Variants in GJA8 observed in about 807,000 individuals in gnomAD.
The protein encoded by GJA8 is gap junction alpha-8 protein.
Under a neutral mutation model 15.3 loss-of-function variants are expected in GJA8, and 13 were observed. The ratio of observed to expected loss-of-function variants is 0.85; its 90% CI spans 0.55 to 1.35. GJA8 has a LOEUF of 1.35. Ranked by LOEUF, GJA8 falls within the 40% of genes most tolerant of loss-of-function variation. The pLI, the probability that GJA8 is intolerant of heterozygous loss-of-function variation, is 0.00. For missense variants in GJA8, 607 were observed against 553.3 expected (o/e 1.10, Z -0.97); for synonymous variants, 304 against 238.7 (o/e 1.27, Z -2.52).
chr1:147,909,396 T>C (rs920505305), downstream of GJA8: 46 of 707,540 alleles, frequency 6.5e-5, no homozygotes, highest in African/African-American at 7.7e-4. Flanking sequence ...AGCAGGGCAG[T>C]GCACTCCAGG....
At position 147,908,954 on chromosome 1, in the gene GJA8, C is replaced by T. The variant is rs782035866; in HGVS notation, c.999C>T (p.Gly333=). ...AGGTGGGGGCACAAGAAGTGGAGGG[C>T]GAGGGGCCGCCTGCAGAGGAGGGAG... ...YAQVGAQEVE[G]EGPPAEEGAE... The change falls in exon 2 of 2, where the codon GGC becomes GGT. Residue 333 remains glycine (G), a synonymous_variant. Coordinates refer to ENST00000369235, the MANE Select transcript of GJA8 (RefSeq NM_005267.5). 9.3e-6 allele frequency: 15 copies of T among 1,604,616 alleles called. No homozygotes were observed. The highest frequency in any genetic ancestry group is 1.7e-4 in the Middle Eastern group (1 of 5,990).
At chr1:147,903,958 G>GTTTTTTTTTTTTTTTTTTTTT in intron 1 of GJA8, among the ~76,000 whole-genome samples, 1 of 124,632 alleles carries the variant, frequency 8.0e-6, no homozygotes. Flanking sequence ...TTGAGACAGA[G>GTTTTTTTTTTTTTTTTTTTTT]TCTCGCTGTG....
chr1:147,906,537 A>G (rs6674829), intron 1 of GJA8, among the ~76,000 whole-genome samples: 56,034 of 152,106 alleles, frequency 0.37, 10,482 homozygotes, highest in Admixed American at 0.44. Flanking sequence ...TTTTCATTCC[A>G]TAGGACACTA....
At chr1:147,907,167 A>G (rs1484640593) in intron 1 of GJA8, among the ~76,000 whole-genome samples, 1 of 152,158 alleles carries the variant, frequency 6.6e-6, no homozygotes, top group African/African-American at 2.4e-5. Context: ...GATTACAGGC[A>G]TGAGCCACTG....
intron 1 of GJA8, among the ~76,000 whole-genome samples, chr1:147,905,293 T>C (rs1651746578): frequency 6.6e-6 from 1 of 152,280 alleles, no homozygotes; most frequent in South Asian, 2.1e-4. Flanking sequence ...GTTGTGATGG[T>C]TCACAAAAGA....
At chr1:147,913,820 G>A (rs1288265649), downstream of GJA8, among the ~76,000 whole-genome samples, 1 of 152,216 alleles carries the variant, frequency 6.6e-6, no homozygotes, top group Non-Finnish European at 1.5e-5. Context: ...GTTTAGATGA[G>A]AAAGGTTTGC....
At chr1:147,903,551 G>A (rs1442841195) in intron 1 of GJA8, among the ~76,000 whole-genome samples, 1 of 152,166 alleles carries the variant, frequency 6.6e-6, no homozygotes, top group African/African-American at 2.4e-5. Context: ...ATGCTGTAAT[G>A]GGCTTAGATC....
In GJA8 at chr1:147,908,359, G is replaced by A; in HGVS notation, c.404G>A (p.Ser135Asn). 6.2e-7 allele frequency: 1 copy of A among 1,614,218 alleles called. No individual in the cohort carries two copies. Among genetic ancestry groups the A allele is most frequent in the Non-Finnish European group, 8.5e-7 (1 of 1,180,048 alleles). Residue 135 changes from serine (S) to asparagine (N), a missense_variant, in exon 2 of 2, where the codon AGC becomes AAC. Coordinates refer to ENST00000369235, the MANE Select transcript of GJA8 (RefSeq NM_005267.5). ...GGCAGCGTCAAGAAGAGCAGCGGCA[G>A]CAAAGGCACTAAGAAGTTCCGGCTG... ...DQGSVKKSSGSKGTKKFRLEG... is the reference protein window; with the variant it reads ...DQGSVKKSSGNKGTKKFRLEG...
chr1:147,912,445 C>T (rs1199190785), downstream of GJA8, among the ~76,000 whole-genome samples: 1 of 152,160 alleles, frequency 6.6e-6, no homozygotes, highest in East Asian at 1.9e-4. Flanking sequence ...AGACAGATTG[C>T]CAATTACTTT....
chr1:147,905,456 T>A (rs1553242168), intron 1 of GJA8, among the ~76,000 whole-genome samples: 1 of 152,238 alleles, frequency 6.6e-6, no homozygotes, highest in African/African-American at 2.4e-5. Context: ...AACTGATATA[T>A]CAATGAGGGT....
At chr1:147,906,267 C>T (rs1467304376) in intron 1 of GJA8, among the ~76,000 whole-genome samples, 6 of 152,206 alleles carry the variant, frequency 3.9e-5, no homozygotes, top group African/African-American at 1.4e-4. Context: ...GATGAGTAAA[C>T]TTATAACTCT....
At chr1:147,913,322 C>G (rs1652254779), downstream of GJA8, among the ~76,000 whole-genome samples, 1 of 152,050 alleles carries the variant, frequency 6.6e-6, no homozygotes, top group Non-Finnish European at 1.5e-5. Flanking sequence ...AGATTGTTAA[C>G]TAAGATACTG....
At position 147,908,219 on chromosome 1, in the gene GJA8, G is replaced by T; in HGVS notation, c.264G>T (p.Pro88=). The stretch of plus-strand genomic sequence containing the variant: ...TGCAGATCATCTTCGTCTCCACCCC[G>T]TCCCTGATGTACGTGGGGCACGCGG... ...WVLQIIFVST[P]SLMYVGHAVH... The change falls in exon 2 of 2, where the codon CCG becomes CCT. Residue 88 remains proline (P), a synonymous_variant. Transcript: ENST00000369235. The T allele has an allele frequency of 6.2e-7, 1 of 1,614,186 alleles. No homozygotes were observed. Among genetic ancestry groups the T allele is most frequent in the Non-Finnish European group, 8.5e-7 (1 of 1,180,040 alleles).
At chr1:147,904,058 A>G (rs919539127) in intron 1 of GJA8, among the ~76,000 whole-genome samples, 8 of 151,396 alleles carry the variant, frequency 5.3e-5, no homozygotes, top group Non-Finnish European at 1.2e-4. Context: ...CAGCCTCCCA[A>G]GTAGCTGGGA....
At chr1:147,903,270 G>A (rs782375978) in intron 1 of GJA8, among the ~76,000 whole-genome samples, 2 of 152,202 alleles carry the variant, frequency 1.3e-5, no homozygotes, top group Non-Finnish European at 2.9e-5. Context: ...TGCTGTGGGG[G>A]TAGCGGAGGC....
At chr1:147,904,368 T>C (rs1478888119) in intron 1 of GJA8, among the ~76,000 whole-genome samples, 1 of 152,186 alleles carries the variant, frequency 6.6e-6, no homozygotes, top group African/African-American at 2.4e-5. Context: ...CACAGCTTGT[T>C]ATGAGGACTG....
At chr1:147,906,431 T>C (rs1213658180) in intron 1 of GJA8, among the ~76,000 whole-genome samples, 1 of 152,232 alleles carries the variant, frequency 6.6e-6, no homozygotes, top group Non-Finnish European at 1.5e-5. Context: ...ATTGCTGTGC[T>C]ACAGGCATTA....
At chr1:147,913,250 GT>G (rs1188708793), downstream of GJA8, among the ~76,000 whole-genome samples, 1 of 152,130 alleles carries the variant, frequency 6.6e-6, no homozygotes, top group Non-Finnish European at 1.5e-5. Context: ...ATCAAATTTT[GT>G]AAGACCATAT....
chr1:147,905,543 C>T (rs1380391831), intron 1 of GJA8, among the ~76,000 whole-genome samples: 1 of 152,216 alleles, frequency 6.6e-6, no homozygotes, highest in Non-Finnish European at 1.5e-5. Context: ...TATAGAAGTA[C>T]AGTTATTCAA....
Sources: allele counts gnomAD v4.1 joint callset (sites outside exome capture counted in the v4.1 genomes callset), GRCh38; gene constraint gnomAD v4.1.1; transcripts MANE v1.5; gene names NCBI Gene and HGNC (gene_info 2026-07-23, HGNC 2026-07-21).